The following KDM5A variants were observed in gnomAD, a reference collection of about 807,000 sequenced individuals.
The protein encoded by KDM5A is lysine demethylase 5A, also known as lysine-specific demethylase 5A.
KDM5A carries 42 observed loss-of-function variants against 193.5 expected under a neutral mutation model. The ratio of observed to expected loss-of-function variants is 0.22; its 90% CI spans 0.17 to 0.28. The LOEUF (loss-of-function observed/expected upper bound fraction) is 0.28, where lower values mean the gene tolerates loss of function less well. KDM5A is among the 10% of genes least tolerant of loss of function. The pLI is 1.00. For missense variants in KDM5A, 1,692 were observed against 2,055.1 expected, an observed-to-expected ratio of 0.82 and a Z score of 3.42; for synonymous variants, 796 against 718.1, an observed-to-expected ratio of 1.11 and a Z score of -1.73.
In KDM5A at chr12:343,025, G is replaced by A. The variant is rs1944026735; in HGVS notation, c.1308+7596C>T. Among the ~76,000 whole-genome samples the A allele has an allele frequency of 3.9e-5, 6 of 152,282 alleles. No homozygotes were observed. The South Asian group carries it at 1.2e-3, about 32-fold the overall frequency. ...CAGAGGATTTCCCTTTCCTAGCCAA[G>A]GGAAGCCATGACAGACTACCTGGAA... On this transcript the variant is annotated intron_variant, in intron 10 of 27. Transcript: ENST00000399788.
intron 27 of KDM5A, among the ~76,000 whole-genome samples, chr12:289,966 G>A (rs1591895421): frequency 7.3e-6 from 1 of 137,792 alleles, no homozygotes; most frequent in Non-Finnish European, 1.5e-5. Context: ...TTTGAGACAG[G>A]GTCTCCTGTG....
intron 27 of KDM5A, among the ~76,000 whole-genome samples, 161 bp from the exon 28 acceptor site, chr12:285,823 G>T (rs992762243): frequency 6.6e-6 from 1 of 152,210 alleles, no homozygotes; most frequent in Non-Finnish European, 1.5e-5. Flanking sequence ...AAGAAGCTGA[G>T]AAGTTAATAC....
At position 327,681 on chromosome 12, in the gene KDM5A, C is replaced by A. The variant is rs147254287; in HGVS notation, c.1968+1154G>T. Among the ~76,000 whole-genome samples, 95 of 152,162 alleles carry A rather than the reference C, an allele frequency of 6.2e-4. 2 individuals are homozygous for A. In the South Asian group the frequency reaches 0.016, roughly 25 times the overall value. ...CAAGATCGTGCCACTGCACTCCAGC[C>A]TGAGCAACACAGTGAGACTCTGTCT... On this transcript the variant is annotated intron_variant, in intron 14 of 27. Coordinates refer to ENST00000399788, the MANE Select transcript of KDM5A (RefSeq NM_001042603.3).
chr12:307,446 A>C lies in KDM5A; in HGVS notation c.3930+8T>G. On this transcript the variant is annotated splice_region_variant and intron_variant, in intron 23 of 27. Transcript: ENST00000399788. This position sits in a 1 kb window ranked among gnomAD's most constrained non-coding sequence, Gnocchi z 4.3. ...GAAATAGAAAAAGAATGTAAATCCT[A>C]AACTTGCCTGTAAGTCTGGATTGGC... 1.2e-6 allele frequency: 2 copies of C among 1,612,004 alleles called. No homozygotes were observed. The highest frequency in any genetic ancestry group is 8.5e-7 in the Non-Finnish European group (1 of 1,179,380).
chr12:373,673 G>C (rs1205212573), intron 3 of KDM5A, among the ~76,000 whole-genome samples: 3 of 152,112 alleles, frequency 2.0e-5, no homozygotes, highest in Admixed American at 6.5e-5. Flanking sequence ...TGTGATGTTA[G>C]GGTGTCAATT....
intron 9 of KDM5A, among the ~76,000 whole-genome samples, chr12:351,946 A>C (rs905652878): frequency 6.6e-6 from 1 of 151,900 alleles, no homozygotes; most frequent in East Asian, 1.9e-4. Context: ...TCTACTAAAA[A>C]CACAAAAATT....
At chr12:346,085 A>T (rs1380159665) in intron 10 of KDM5A, among the ~76,000 whole-genome samples, 2 of 152,208 alleles carry the variant, frequency 1.3e-5, no homozygotes, top group Non-Finnish European at 2.9e-5. Flanking sequence ...TAAAGGGGAT[A>T]TCACCACCAA....
chr12:354,070 G>A lies in KDM5A; in HGVS notation c.1029+6C>T, dbSNP rs771862227. On this transcript the variant is annotated splice_donor_region_variant and intron_variant, in intron 8 of 27. Transcript: ENST00000399788. ...AAAAAAGGATCCATAGAGGTTAGACGTGTACCTCGGCGACACATTTAGGAC... is the reference window on the plus strand; with the variant it reads ...AAAAAAGGATCCATAGAGGTTAGACATGTACCTCGGCGACACATTTAGGAC... 80 of 1,612,024 alleles carry A rather than the reference G, an allele frequency of 5.0e-5. No homozygotes were observed. Among genetic ancestry groups the A allele is most frequent in the Non-Finnish European group, 6.6e-5 (78 of 1,178,212 alleles).
At chr12:341,238 G>C (rs577640242) in intron 10 of KDM5A, among the ~76,000 whole-genome samples, 1 of 152,248 alleles carries the variant, frequency 6.6e-6, no homozygotes, top group South Asian at 2.1e-4. Context: ...AGGGTGTGAA[G>C]ACATTCAGGC....
intron 10 of KDM5A, among the ~76,000 whole-genome samples, chr12:341,970 G>C (rs1414117485): frequency 6.7e-6 from 1 of 150,224 alleles, no homozygotes; most frequent in African/African-American, 2.4e-5. Context: ...AGCAAAATGG[G>C]AGACATAAAT....
chr12:322,716 C>A, intron 16 of KDM5A, 149 bp from the exon 17 acceptor site: 1 of 714,346 alleles, frequency 1.4e-6, no homozygotes. Flanking sequence ...AAAATCTCAC[C>A]AACACAATAA....
chr12:362,001 T>C (rs947165965), intron 5 of KDM5A, among the ~76,000 whole-genome samples: 1 of 152,148 alleles, frequency 6.6e-6, no homozygotes, highest in African/African-American at 2.4e-5. Flanking sequence ...CAACCCCAGA[T>C]TCAGTGTCTC....
At chr12:286,287 T>A (rs1565521279) in intron 27 of KDM5A, 4 of 442,598 alleles carry the variant, frequency 9.0e-6, no homozygotes, top group Admixed American at 8.2e-5. Context: ...GGTCAATAGA[T>A]CACTCTGGGG....
intron 19 of KDM5A, among the ~76,000 whole-genome samples, chr12:316,379 C>T (rs547478856): frequency 7.2e-5 from 11 of 152,234 alleles, no homozygotes; most frequent in African/African-American, 2.2e-4. Context: ...AGAAATAGCA[C>T]CTGGCATGTA....
In KDM5A at chr12:297,055, T is replaced by G; in HGVS notation, c.4220A>C (p.Lys1407Thr). Residue 1407 changes from lysine (K) to threonine (T), a missense_variant, in exon 25 of 28, where the codon AAG becomes ACG. Physicochemically the swap from Lys to Thr is moderately conservative, Grantham distance 78. Transcript: ENST00000399788. ...CAEHAYSSAS[K>T]SCSQGSSTPR... ...AGGAGTAATACCTTGAGAACAACTC[T>G]TAGAAGCAGAAGAATAAGCATGCTC... 6.2e-7 allele frequency: 1 copy of G among 1,613,982 alleles called. No homozygotes were observed. The highest frequency in any genetic ancestry group is 8.5e-7 in the Non-Finnish European group (1 of 1,179,982).
At chr12:354,046 A>G (rs2137454115) in intron 8 of KDM5A, 30 bp downstream of exon 8, 1 of 1,585,328 alleles carries the variant, frequency 6.3e-7, no homozygotes, top group East Asian at 2.2e-5. Flanking sequence ...TTTTTAGTTA[A>G]AAAAGGATCC....
intron 19 of KDM5A, among the ~76,000 whole-genome samples, chr12:316,221 C>T (rs893804385): frequency 4.6e-5 from 7 of 152,162 alleles, no homozygotes; most frequent in Non-Finnish European, 8.8e-5. Context: ...CCACATAATC[C>T]TCTATTTCTT....
intron 14 of KDM5A, among the ~76,000 whole-genome samples, chr12:326,279 T>G (rs1943782398): frequency 6.6e-6 from 1 of 152,092 alleles, no homozygotes. Flanking sequence ...TGTAATGTAA[T>G]AGGAGGAAAC....
At chr12:323,055 T>A (rs1259904487) in intron 16 of KDM5A, 27 bp downstream of exon 16, 1 of 1,612,700 alleles carries the variant, frequency 6.2e-7, no homozygotes, top group African/African-American at 1.3e-5. Flanking sequence ...CAATTCAGTA[T>A]ATGCATACAA....
Sources: allele counts gnomAD v4.1 joint callset (sites outside exome capture counted in the v4.1 genomes callset), GRCh38; gene constraint gnomAD v4.1.1; non-coding constraint Gnocchi (gnomAD v3.1); transcripts MANE v1.5; gene names NCBI Gene and HGNC (gene_info 2026-07-23, HGNC 2026-07-21).